Variants in ATP2B2 observed in about 807,000 individuals in gnomAD.
ATP2B2 encodes ATPase plasma membrane Ca2+ transporting 2, also known as plasma membrane calcium-transporting ATPase 2.
Under a neutral mutation model 120.0 loss-of-function variants are expected in ATP2B2, and 15 were observed. The observed-to-expected ratio is 0.12, with a 90% CI of 0.08 to 0.19. The LOEUF (loss-of-function observed/expected upper bound fraction) is 0.19, where lower values mean the gene tolerates loss of function less well. ATP2B2 is among the 10% of genes least tolerant of loss of function. The pLI is 1.00. For synonymous variants in ATP2B2, 694 were observed against 700.3 expected, an observed-to-expected ratio of 0.99 and a Z score of 0.14; for missense variants, 1,045 against 1,719.8, an observed-to-expected ratio of 0.61 and a Z score of 6.94.
chr3:10,543,053 AG>A (rs2067472595), intron 2 of ATP2B2, among the ~76,000 whole-genome samples: 1 of 152,252 alleles, frequency 6.6e-6, no homozygotes, highest in South Asian at 2.1e-4. Flanking sequence ...TTGATTAGGT[AG>A]GTAGTTTCTA....
chr3:10,527,411 G>A (rs2067119362), intron 3 of ATP2B2, among the ~76,000 whole-genome samples: 1 of 152,224 alleles, frequency 6.6e-6, no homozygotes, highest in South Asian at 2.1e-4. Context: ...GTCAGGATTT[G>A]AACCTGGGTC....
At chr3:10,488,056 C>T (rs2065762499) in intron 1 of ATP2B2, among the ~76,000 whole-genome samples, 1 of 152,014 alleles carries the variant, frequency 6.6e-6, no homozygotes, top group Non-Finnish European at 1.5e-5. Context: ...TCTCTCTCCA[C>T]TCCTCCACCA....
intron 5 of ATP2B2, among the ~76,000 whole-genome samples, chr3:10,398,854 G>A (rs889719827): frequency 2.3e-4 from 35 of 152,214 alleles, no homozygotes; most frequent in Admixed American, 2.1e-3. Flanking sequence ...CTTCAGCATC[G>A]TCTTATTTTT....
At chr3:10,685,960 T>C (rs1575622938) in intron 1 of ATP2B2, among the ~76,000 whole-genome samples, 1 of 152,072 alleles carries the variant, frequency 6.6e-6, no homozygotes, top group South Asian at 2.1e-4. Context: ...AATGTGTCTC[T>C]CATTCTCCTC....
chr3:10,360,213 C>G, intron 12 of ATP2B2, 90 bp from the exon 13 acceptor site: 1 of 1,495,318 alleles, frequency 6.7e-7, no homozygotes, highest in Admixed American at 2.2e-5. Context: ...GGGACTGCCA[C>G]TTAGGTGGTC....
intron 9 of ATP2B2, 98 bp downstream of exon 9, chr3:10,379,144 GC>G: frequency 7.2e-7 from 1 of 1,392,296 alleles, no homozygotes; most frequent in Non-Finnish European, 1.0e-6. Context: ...GGATGTGTCT[GC>G]CTCTGGCCCT....
At chr3:10,401,878 C>A (rs1389223026) in intron 4 of ATP2B2, among the ~76,000 whole-genome samples, 1 of 152,184 alleles carries the variant, frequency 6.6e-6, no homozygotes. Context: ...GTGCCATGTA[C>A]TTGTCATTTC....
At chr3:10,552,359 G>A (rs1313406155) in intron 2 of ATP2B2, among the ~76,000 whole-genome samples, 1 of 152,254 alleles carries the variant, frequency 6.6e-6, no homozygotes, top group East Asian at 1.9e-4. Context: ...GCTGCAACGT[G>A]GCTGGAAGCC....
At chr3:10,413,707 A>G (rs892256744) in intron 2 of ATP2B2, among the ~76,000 whole-genome samples, 2 of 152,178 alleles carry the variant, frequency 1.3e-5, no homozygotes, top group East Asian at 1.9e-4. Flanking sequence ...CTTTTGTCCA[A>G]TTCTACCCAT....
chr3:10,401,152 C>A (rs997389170), intron 4 of ATP2B2, 74 bp from the exon 5 acceptor site: 3 of 1,579,040 alleles, frequency 1.9e-6, no homozygotes, highest in African/African-American at 2.7e-5. Flanking sequence ...CTTAAAGGTG[C>A]GATTACCAGG....
chr3:10,629,496 C>T (rs756584864), intron 1 of ATP2B2, among the ~76,000 whole-genome samples: 3 of 152,220 alleles, frequency 2.0e-5, no homozygotes, highest in Non-Finnish European at 4.4e-5. Flanking sequence ...TTCCGTGTGC[C>T]ACATGCCTCT....
chr3:10,645,093 G>A (rs776008033), intron 1 of ATP2B2, among the ~76,000 whole-genome samples: 1 of 152,128 alleles, frequency 6.6e-6, no homozygotes, highest in African/African-American at 2.4e-5. Context: ...GTATGTCGGG[G>A]TGGGTGGGGG....
At chr3:10,618,086 T>C (rs1015816053) in intron 2 of ATP2B2, among the ~76,000 whole-genome samples, 1 of 152,244 alleles carries the variant, frequency 6.6e-6, no homozygotes, top group Admixed American at 6.5e-5. Context: ...AGTGAAACTA[T>C]GAATACATTG....
chr3:10,496,593 GCT>G (rs769252631), intron 1 of ATP2B2, among the ~76,000 whole-genome samples: 28 of 151,910 alleles, frequency 1.8e-4, no homozygotes, highest in Non-Finnish European at 3.8e-4. Flanking sequence ...TCTCCTGAGC[GCT>G]GTCTCATGCT....
intron 2 of ATP2B2, among the ~76,000 whole-genome samples, chr3:10,606,387 C>T (rs1360742480): frequency 2.0e-5 from 3 of 152,148 alleles, no homozygotes; most frequent in African/African-American, 7.2e-5. Flanking sequence ...TGACTCTTAG[C>T]AGAGTCCTTG....
chr3:10,446,380 T>C (rs2063836975), intron 2 of ATP2B2, among the ~76,000 whole-genome samples: 1 of 152,140 alleles, frequency 6.6e-6, no homozygotes, highest in South Asian at 2.1e-4. Flanking sequence ...AATGGAGGTG[T>C]TTAGTTGCTG....
At chr3:10,453,047 T>C (rs1266814126) in intron 1 of ATP2B2, among the ~76,000 whole-genome samples, 2 of 152,224 alleles carry the variant, frequency 1.3e-5, no homozygotes, top group Non-Finnish European at 2.9e-5. Context: ...GACTGGCACA[T>C]GATAAGCATT....
chr3:10,651,052 C>A lies in ATP2B2; in HGVS notation c.-459-31091G>T, dbSNP rs540960900. Among the ~76,000 whole-genome samples, 93 of 152,302 alleles carry A rather than the reference C, an allele frequency of 6.1e-4. No individual in the cohort carries two copies. The South Asian group carries it at 7.5e-3, about 12-fold the overall frequency. Reference sequence around the variant, plus strand: ...TGGCTGTAGTTACCCAATGCCTGTACCCCCATTGTATCTAGGAAGTAACTA... The same window carrying A: ...TGGCTGTAGTTACCCAATGCCTGTAACCCCATTGTATCTAGGAAGTAACTA... On this transcript the variant is annotated intron_variant, in intron 1 of 21. Coordinates refer to the ATP2B2 transcript ENST00000646379.
At chr3:10,447,925 T>C (rs1575255245) in intron 2 of ATP2B2, among the ~76,000 whole-genome samples, 1 of 152,214 alleles carries the variant, frequency 6.6e-6, no homozygotes. Flanking sequence ...AAAATGTCAG[T>C]GAGAACAGTC....
Sources: gnomAD v4.1 joint callset for allele counts (sites outside exome capture counted in the v4.1 genomes callset) on GRCh38, gnomAD v4.1.1 for gene constraint, MANE v1.5 for transcripts, NCBI Gene and HGNC (gene_info 2026-07-23, HGNC 2026-07-21) for gene names.